Variants in XRCC3 observed in about 807,000 individuals in gnomAD.
XRCC3 encodes the protein DNA repair protein XRCC3.
Under a neutral mutation model 29.2 loss-of-function variants are expected in XRCC3, and 34 were observed. The ratio of observed to expected loss-of-function variants is 1.16; its 90% CI spans 0.88 to 1.55. The LOEUF (loss-of-function observed/expected upper bound fraction) is 1.55, where lower values mean the gene tolerates loss of function less well. Ranked by LOEUF, XRCC3 falls within the 40% of genes most tolerant of loss-of-function variation. XRCC3 has a pLI of 0.00. For missense variants in XRCC3, 463 were observed against 467.6 expected, an observed-to-expected ratio of 0.99 and a Z score of 0.09; for synonymous variants, 223 against 211.3, an observed-to-expected ratio of 1.06 and a Z score of -0.48.
chr14:103,708,171 G>A (rs775438241), intron 5 of XRCC3: 9 of 381,634 alleles, frequency 2.4e-5, no homozygotes, highest in East Asian at 6.1e-5. Flanking sequence ...TGGTGGGACC[G>A]TGGCCAGGGC....
intron 7 of XRCC3, 60 bp from the exon 8 acceptor site, chr14:103,699,636 A>G: frequency 6.4e-7 from 1 of 1,565,102 alleles, no homozygotes; most frequent in African/African-American, 1.4e-5. Flanking sequence ...AGGTGACCAG[A>G]CCCCGTTTGG....
chr14:103,707,079 C>A lies in XRCC3; in HGVS notation c.330G>T (p.Ser110=). 1.3e-6 allele frequency: 2 copies of A among 1,559,470 alleles called. No individual in the cohort carries two copies. Among genetic ancestry groups the A allele is most frequent in the Non-Finnish European group, 1.7e-6 (2 of 1,153,430 alleles). The part of the protein sequence containing the change: ...DGITELAGRS[S]AGKTQLALQL... The stretch of plus-strand genomic sequence containing the variant: ...GCAGCGCCAGCTGGGTCTTCCCTGC[C>A]GAGCTGCGTCCGGCCAGCTCAGTGA... Residue 110 remains serine (S), a synonymous_variant, in exon 6 of 10, where the codon TCG becomes TCT. Transcript: ENST00000555055.
intron 7 of XRCC3, chr14:103,700,818 G>A: frequency 1.8e-6 from 2 of 1,082,070 alleles, no homozygotes; most frequent in East Asian, 2.6e-5. Context: ...CTGGGGATGG[G>A]CAAGTGGTGA....
intron 7 of XRCC3, chr14:103,700,668 G>C (rs531849628): frequency 6.2e-7 from 1 of 1,607,360 alleles, no homozygotes; most frequent in East Asian, 2.3e-5. Context: ...GTCTCTGGCC[G>C]AGCCTCTTTT....
chr14:103,705,911 C>CA (rs1310325980), intron 6 of XRCC3: 1 of 189,664 alleles, frequency 5.3e-6, no homozygotes, highest in Non-Finnish European at 1.1e-5. Context: ...AGCAGCTCTT[C>CA]CGTGCGGTAA....
At chr14:103,714,467 A>G (rs889060974) in intron 1 of XRCC3, among the ~76,000 whole-genome samples, 6 of 132,240 alleles carry the variant, frequency 4.5e-5, no homozygotes, top group African/African-American at 1.3e-4. Flanking sequence ...CTCTCTACCG[A>G]AAAAAAAAAA....
At position 103,711,225 on chromosome 14, in the gene XRCC3, C is replaced by A. The variant is rs936878819; in HGVS notation, c.-138G>T. 4.5e-6 allele frequency: 4 copies of A among 889,324 alleles called. No individual in the cohort carries two copies. In the African/African-American group the frequency reaches 6.6e-5, roughly 15 times the overall value. The allele number at this position is 889,324 out of a possible 1,614,324, so 55.1% of individuals were successfully genotyped here. A position where few individuals can be genotyped will look rare whatever the true frequency, so the allele number is the denominator to read the frequency against. On this transcript the variant is annotated 5_prime_UTR_variant, in exon 4 of 10. Coordinates refer to ENST00000555055, the MANE Select transcript of XRCC3 (RefSeq NM_005432.4). ...GGGAAGTGACAGCAGCCGAGGTGTC[C>A]GTGTCATCGGGGCTCTGTCACTGAG...
rs955882587 is a variant in XRCC3 at position 103,712,859 on chromosome 14, C to G, written c.-261+16G>C. On this transcript the variant is annotated intron_variant, in intron 2 of 9. Coordinates refer to ENST00000555055, the MANE Select transcript of XRCC3 (RefSeq NM_005432.4). Reference sequence around the variant, plus strand: ...CACCTGGAAGCAGAGTGTCCACTGACGGATAACAGACTCACCGGTTGGCCA... The same window carrying G: ...CACCTGGAAGCAGAGTGTCCACTGAGGGATAACAGACTCACCGGTTGGCCA... The G allele has an allele frequency of 6.6e-6, 1 of 152,390 alleles. No homozygotes were observed. Among genetic ancestry groups the G allele is most frequent in the Non-Finnish European group, 1.5e-5 (1 of 68,166 alleles). 9.4% of individuals were successfully genotyped at this position (152,390 alleles called of 1,614,324 possible).
chr14:103,707,315 G>A lies in XRCC3; in HGVS notation c.194-100C>T, dbSNP rs1045490983. ...TCAGCCTGCCTGTGCCAGGTGCAGT[G>A]TGGCTGGAGCACAGGTGCCTGCGGT... is the stretch of plus-strand genomic sequence containing the variant. On this transcript the variant is annotated intron_variant, in intron 5 of 9. Coordinates refer to ENST00000555055, the MANE Select transcript of XRCC3 (RefSeq NM_005432.4). 5 of 1,432,272 alleles carry A rather than the reference G, an allele frequency of 3.5e-6. No homozygotes were observed. The East Asian group carries it at 1.2e-4, about 36-fold the overall frequency. The allele number at this position is 1,432,272 out of a possible 1,614,324, so 88.7% of individuals were successfully genotyped here.
chr14:103,702,330 GGCCAGGTGGA>G (rs1171925030), intron 7 of XRCC3: 1 of 152,388 alleles, frequency 6.6e-6, no homozygotes, highest in African/African-American at 2.4e-5. Flanking sequence ...AGCAGGCCTT[GGCCAGGTGGA>G]GCCCCTGTGC....
rs1431478583 is a variant in XRCC3 at position 103,699,543 on chromosome 14, G to C, written c.595C>G (p.Pro199Ala). 1 of 1,613,468 alleles carries C rather than the reference G, an allele frequency of 6.2e-7. No individual in the cohort carries two copies. Among genetic ancestry groups the C allele is most frequent in the Admixed American group, 1.7e-5 (1 of 60,016 alleles). Reference protein sequence around the residue: ...TLLECVNKKVPVLLSRGMARL... With the variant: ...TLLECVNKKVAVLLSRGMARL... ...GCCATGCCCCGAGACAGCAGTACGG[G>C]GACCTTCTTATTCACACACTCCAAC... The change falls in exon 8 of 10, where the codon CCC becomes GCC. Residue 199 changes from proline to alanine, a missense_variant. By Grantham distance (27) the Pro-to-Ala change is conservative. Coordinates refer to ENST00000555055, the MANE Select transcript of XRCC3 (RefSeq NM_005432.4).
At chr14:103,708,492 C>T in intron 5 of XRCC3, 30 bp downstream of exon 5, 1 of 1,612,816 alleles carries the variant, frequency 6.2e-7, no homozygotes, top group Non-Finnish European at 8.5e-7. Context: ...CCACATGTCA[C>T]CCCTGGCAGA....
chr14:103,699,329 C>G (rs201759596), intron 8 of XRCC3, 35 bp downstream of exon 8: 16 of 1,566,308 alleles, frequency 1.0e-5, no homozygotes, highest in African/African-American at 2.7e-5. Flanking sequence ...GCTAAAAATA[C>G]GAGCTCAGGG....
intron 1 of XRCC3, among the ~76,000 whole-genome samples, chr14:103,714,907 A>G (rs2083756225): frequency 6.6e-6 from 1 of 152,104 alleles, no homozygotes; most frequent in Non-Finnish European, 1.5e-5. Flanking sequence ...GCTGGTCTTG[A>G]ACTCCTGACC....
intron 7 of XRCC3, chr14:103,701,324 C>T (rs1460085328): frequency 9.6e-6 from 10 of 1,043,868 alleles, no homozygotes; most frequent in East Asian, 2.6e-5. Flanking sequence ...ATTTCTCCTG[C>T]GTCTGTGTGC....
rs368831796 is a variant in XRCC3 at position 103,699,472 on chromosome 14, T to G, written c.666A>C (p.Glu222Asp). The G allele has an allele frequency of 1.2e-5, 20 of 1,612,610 alleles. No individual in the cohort carries two copies. The Admixed American group carries it at 2.3e-4, about 19-fold the overall frequency. ...IDSVAAPFRC[E>D]FDSQASAPRA... is the part of the protein sequence containing the mutation. ...TGGGGGCGGAGGCCTGGCTGTCAAA[T>G]TCACAGCGGAATGGGGCTGCCACCG... Residue 222 changes from glutamate (E) to aspartate (D), a missense_variant, in exon 8 of 10, where the codon GAA (glutamate) becomes GAC (aspartate). By Grantham distance (45) the Glu-to-Asp change is conservative. Transcript: ENST00000555055.
At position 103,706,888 on chromosome 14, in the gene XRCC3, G is replaced by A. The variant is rs1567058497; in HGVS notation, c.406+115C>T. ...CAATCAGGGTGAGAAGGAGGGAGAC[G>A]CAATGGTAGGAACAGCGCAAGAGGC... is the stretch of plus-strand genomic sequence containing the variant. On this transcript the variant is annotated intron_variant, in intron 6 of 9. Coordinates refer to ENST00000555055, the MANE Select transcript of XRCC3 (RefSeq NM_005432.4). 37 of 1,162,814 alleles carry A rather than the reference G, an allele frequency of 3.2e-5. No individual in the cohort carries two copies. In the South Asian group the frequency reaches 4.3e-4, roughly 14 times the overall value. The allele number at this position is 1,162,814 out of a possible 1,614,324, so 72.0% of individuals were successfully genotyped here.
In XRCC3 at chr14:103,699,260, C is replaced by T. The variant is rs376047069; in HGVS notation, c.775-81G>A. On this transcript the variant is annotated intron_variant, in intron 8 of 9. Transcript: ENST00000555055. ...GGCACAGGCTGCTACCCGCAGGAGC[C>T]GGAGGCCACCTCACTGCCACCCGCC... 95 of 1,539,658 alleles carry T rather than the reference C, an allele frequency of 6.2e-5. No homozygotes were observed. The African/African-American group carries it at 8.7e-4, about 14-fold the overall frequency.
At chr14:103,707,339 G>A in intron 5 of XRCC3, 124 bp from the exon 6 acceptor site, 1 of 1,244,134 alleles carries the variant, frequency 8.0e-7, no homozygotes, top group Non-Finnish European at 1.1e-6. Context: ...GGTGCCTGCG[G>A]TCATGGGGGT....
Sources: gnomAD v4.1 joint callset for allele counts (sites outside exome capture counted in the v4.1 genomes callset) on GRCh38, gnomAD v4.1.1 for gene constraint, MANE v1.5 for transcripts, NCBI Gene and HGNC (gene_info 2026-07-23, HGNC 2026-07-21) for gene names.